The following PFKL variants were observed in gnomAD, a reference collection of about 807,000 sequenced individuals.
PFKL encodes phosphofructokinase, liver type.
In PFKL, 74 loss-of-function variants were observed where a neutral mutation model predicts 92.1. The observed-to-expected ratio is 0.80, with a 90% CI of 0.67 to 0.97. PFKL has a LOEUF of 0.97. Ranked by LOEUF, PFKL falls within the 50% of genes least tolerant of loss-of-function variation. The pLI, the probability that PFKL is intolerant of heterozygous loss-of-function variation, is 0.00. For synonymous variants in PFKL, 494 were observed against 456.4 expected, an observed-to-expected ratio of 1.08 and a Z score of -1.05; for missense variants, 1,028 against 1,116.6, an observed-to-expected ratio of 0.92 and a Z score of 1.13.
At chr21:44,324,428 T>A in intron 16 of PFKL, 63 bp from the exon 17 acceptor site, 1 of 1,564,466 alleles carries the variant, frequency 6.4e-7, no homozygotes, top group East Asian at 2.3e-5. Flanking sequence ...AGGGTAGCCA[T>A]GCCGACGGCC....
At chr21:44,305,960 C>G in intron 1 of PFKL, 1 of 1,319,082 alleles carries the variant, frequency 7.6e-7, no homozygotes, top group Non-Finnish European at 1.0e-6. Context: ...GGCCCTGGGG[C>G]AGGGCAGTGC....
chr21:44,318,055 C>T (rs2047255790), intron 9 of PFKL, among the ~76,000 whole-genome samples: 1 of 152,260 alleles, frequency 6.6e-6, no homozygotes, highest in East Asian at 1.9e-4. Context: ...TGGATGTGTC[C>T]TCTGCCCAGC....
At position 44,324,669 on chromosome 21, in the gene PFKL, A is replaced by C. The variant is rs762146163; in HGVS notation, c.1815+14A>C. The C allele has an allele frequency of 6.4e-7, 1 of 1,571,886 alleles. No individual in the cohort carries two copies. The highest frequency in any genetic ancestry group is 8.6e-7 in the Non-Finnish European group (1 of 1,156,298). On this transcript the variant is annotated intron_variant, in intron 17 of 21. Transcript: ENST00000349048. ...CACGACTTAAAGGTGAGCCCAGCCC[A>C]GCCCCTGCTGCGGCAGACCTGCCGG...
chr21:44,315,556 G>A (rs1187189253), intron 7 of PFKL: 1 of 153,018 alleles, frequency 6.5e-6, no homozygotes, highest in Non-Finnish European at 1.5e-5. Flanking sequence ...GGGCAAACAT[G>A]GGGCTTGTGG....
intron 2 of PFKL, 52 bp downstream of exon 2, chr21:44,306,806 G>A (rs762279054): frequency 8.7e-6 from 13 of 1,499,276 alleles, no homozygotes; most frequent in South Asian, 3.4e-5. Context: ...CTCCTGAGGC[G>A]CATGCCGAGG....
intron 1 of PFKL, among the ~76,000 whole-genome samples, chr21:44,304,971 G>A (rs1353099609): frequency 6.6e-6 from 1 of 152,138 alleles, no homozygotes; most frequent in Non-Finnish European, 1.5e-5. Flanking sequence ...CTCCCTGCAC[G>A]CTCTGTGCTC....
chr21:44,311,177 GAC>G, intron 3 of PFKL, 94 bp downstream of exon 3: 1 of 917,560 alleles, frequency 1.1e-6, no homozygotes, highest in African/African-American at 1.7e-5. Context: ...CACAGAGACA[GAC>G]ACGTGCACAA....
At chr21:44,305,456 AG>A (rs2040907337) in intron 1 of PFKL, 3 of 629,624 alleles carry the variant, frequency 4.8e-6, no homozygotes, top group Admixed American at 2.8e-5. Context: ...GGGGGGTGGG[AG>A]GGCAGGGGCT....
chr21:44,322,355 C>T, intron 14 of PFKL, 152 bp downstream of exon 14: 2 of 690,970 alleles, frequency 2.9e-6, no homozygotes, highest in Non-Finnish European at 2.3e-6. Flanking sequence ...CTTCACGCCT[C>T]CTGCCTGGGG....
chr21:44,316,753 G>C (rs1199654832), intron 9 of PFKL, among the ~76,000 whole-genome samples: 1 of 151,874 alleles, frequency 6.6e-6, no homozygotes, highest in Non-Finnish European at 1.5e-5. Flanking sequence ...GTGTGGGTGT[G>C]TGTCAGTGTG....
intron 17 of PFKL, 28 bp from the exon 18 acceptor site, chr21:44,324,828 G>A (rs767873236): frequency 2.7e-5 from 44 of 1,600,746 alleles, no homozygotes; most frequent in Admixed American, 2.1e-4. Flanking sequence ...ACAGTCCTCC[G>A]GCTCATCCGT....
At chr21:44,325,654 T>C (rs951863690) in intron 19 of PFKL, 4 of 493,880 alleles carry the variant, frequency 8.1e-6, no homozygotes, top group African/African-American at 7.7e-5. Flanking sequence ...TGGCTGGGCA[T>C]GGGGCCCGAG....
chr21:44,324,033 G>T lies in PFKL; in HGVS notation c.1650+115G>T. On this transcript the variant is annotated intron_variant, in intron 16 of 21. Coordinates refer to ENST00000349048, the MANE Select transcript of PFKL (RefSeq NM_002626.6). ...GGTGAGCACCTGGGAGGGCTGCCAGGGTTGGGGTTTGTGGGGCACAGGCCC... is the reference window on the plus strand; with the variant it reads ...GGTGAGCACCTGGGAGGGCTGCCAGTGTTGGGGTTTGTGGGGCACAGGCCC... The T allele has an allele frequency of 7.0e-6, 9 of 1,276,692 alleles. No individual in the cohort carries two copies. In the South Asian group the frequency reaches 1.2e-4, roughly 17 times the overall value. The allele number at this position is 1,276,692 out of a possible 1,614,324, so 79.1% of individuals were successfully genotyped here.
chr21:44,310,079 G>C (rs1404731060), intron 2 of PFKL, among the ~76,000 whole-genome samples: 4 of 152,232 alleles, frequency 2.6e-5, no homozygotes, highest in African/African-American at 9.6e-5. Context: ...CTGCTCCACT[G>C]CCTCACCTCA....
chr21:44,309,892 C>T (rs571786788), intron 2 of PFKL, among the ~76,000 whole-genome samples: 1 of 152,340 alleles, frequency 6.6e-6, no homozygotes, highest in South Asian at 2.1e-4. Flanking sequence ...TAGAAGCCCG[C>T]CATGGCCAGA....
At position 44,300,098 on chromosome 21, in the gene PFKL, C is replaced by T; in HGVS notation, c.-8C>T. 8.8e-7 allele frequency: 1 copy of T among 1,138,088 alleles called. No homozygotes were observed. The highest frequency in any genetic ancestry group is 1.1e-6 in the Non-Finnish European group (1 of 916,320). The allele number at this position is 1,138,088 out of a possible 1,614,324, so 70.5% of individuals were successfully genotyped here. On this transcript the variant is annotated 5_prime_UTR_variant, in exon 1 of 22. Transcript: ENST00000349048. The stretch of plus-strand genomic sequence containing the variant: ...AGTGCGAGCTGGGCCCGTGTTTCGG[C>T]CGCCGCCATGGCCGCGGTGGACCTG...
intron 1 of PFKL, among the ~76,000 whole-genome samples, chr21:44,300,575 C>T (rs1342224003): frequency 6.6e-6 from 1 of 152,184 alleles, no homozygotes; most frequent in Non-Finnish European, 1.5e-5. Context: ...GGACCCGGTG[C>T]CTCCCGAGGG....
intron 15 of PFKL, 87 bp downstream of exon 15, chr21:44,323,136 T>C (rs896239594): frequency 1.7e-6 from 2 of 1,155,448 alleles, no homozygotes; most frequent in Non-Finnish European, 2.6e-6. Context: ...TGAAAACCCG[T>C]GTGCTGGCTG....
chr21:44,302,074 CTCTG>C (rs1015086451), intron 1 of PFKL, among the ~76,000 whole-genome samples: 3 of 152,330 alleles, frequency 2.0e-5, no homozygotes, highest in African/African-American at 4.8e-5. Flanking sequence ...GGCCTCCCAT[CTCTG>C]TCTGAGCTGG....
Sources: gnomAD v4.1 joint callset for allele counts (sites outside exome capture counted in the v4.1 genomes callset) on GRCh38, gnomAD v4.1.1 for gene constraint, MANE v1.5 for transcripts, NCBI Gene and HGNC (gene_info 2026-07-23, HGNC 2026-07-21) for gene names.